The following VIRMA variants were observed in gnomAD, a reference collection of about 807,000 sequenced individuals.
VIRMA encodes protein virilizer homolog.
In VIRMA, 65 loss-of-function variants were observed where a neutral mutation model predicts 182.4. The observed-to-expected ratio is 0.36, with a 90% CI of 0.29 to 0.44. The LOEUF (loss-of-function observed/expected upper bound fraction) is 0.44. Among genes scored for constraint, VIRMA ranks in the 20% least tolerant of loss-of-function variants. VIRMA has a pLI of 1.00. For synonymous variants in VIRMA, 709 were observed against 743.1 expected, an observed-to-expected ratio of 0.95 and a Z score of 0.75; for missense variants, 1,752 against 2,158.1, an observed-to-expected ratio of 0.81 and a Z score of 3.73.
chr8:94,532,636 T>C (rs943872836), intron 5 of VIRMA, among the ~76,000 whole-genome samples: 2 of 152,200 alleles, frequency 1.3e-5, no homozygotes, highest in African/African-American at 4.8e-5. Context: ...GTACATTTCT[T>C]TGCAACCTCC....
chr8:94,521,067 T>A (rs960347189), intron 8 of VIRMA, among the ~76,000 whole-genome samples: 1 of 151,772 alleles, frequency 6.6e-6, no homozygotes, highest in African/African-American at 2.4e-5. Flanking sequence ...ATTTTTTAGT[T>A]CTGGAGTACA....
At chr8:94,533,722 T>A (rs1320649896) in intron 5 of VIRMA, 1 of 147,434 alleles carries the variant, frequency 6.8e-6, no homozygotes, top group Non-Finnish European at 1.5e-5. Flanking sequence ...ATTACAGGCA[T>A]AAGCCACCAT....
Position 94,512,035 on chromosome 8 carries a change from C to T in VIRMA, c.2806G>A (p.Val936Ile). ...GGTGGGCATGCAACATTACAGAGAA[C>T]ACGTAAGGCAGTGGTAAGGCCAACT... ...EGVGLTTALR[V>I]LCNVACPPPP... The change falls in exon 12 of 24, where the codon GTT becomes ATT. Residue 936 changes from valine to isoleucine, a missense_variant. Val to Ile is a conservative substitution (Grantham distance 29, BLOSUM62 3). Around this residue, in one of 11 missense-constraint regions of VIRMA, gnomAD observed 777 missense variants for 920.6 expected, o/e 0.84. Transcript: ENST00000297591. 6.5e-7 allele frequency: 1 copy of T among 1,532,648 alleles called. No homozygotes were observed. Among genetic ancestry groups the T allele is most frequent in the Non-Finnish European group, 8.8e-7 (1 of 1,139,886 alleles). 94.9% of individuals were successfully genotyped at this position (1,532,648 alleles called of 1,614,324 possible).
chr8:94,509,716 G>C lies in VIRMA; in HGVS notation c.3851C>G (p.Thr1284Arg). ...VIRQQCVEYV[T>R]SILQSLCDQD... ...ATCACAGAGAGACTGCAAAATGGAT[G>C]TGACATATTCAACACACTGTTGGCG... Residue 1284 changes from threonine (T) to arginine (R), a missense_variant, in exon 15 of 24, where the codon ACA becomes AGA. Physicochemically the swap from Thr to Arg is moderately conservative, Grantham distance 71. Around this residue, in one of 11 missense-constraint regions of VIRMA, gnomAD observed 777 missense variants for 920.6 expected, o/e 0.84. Coordinates refer to ENST00000297591, the MANE Select transcript of VIRMA (RefSeq NM_015496.5). 1 of 1,613,486 alleles carries C rather than the reference G, an allele frequency of 6.2e-7. No homozygotes were observed. The highest frequency in any genetic ancestry group is 8.5e-7 in the Non-Finnish European group (1 of 1,179,832).
At chr8:94,531,999 T>C (rs567524393) in intron 5 of VIRMA, among the ~76,000 whole-genome samples, 1 of 152,118 alleles carries the variant, frequency 6.6e-6, no homozygotes, top group East Asian at 1.9e-4. Flanking sequence ...GTGAACAGAT[T>C]AGTGGCTGCC....
At chr8:94,527,917 A>G (rs1333938978) in intron 7 of VIRMA, among the ~76,000 whole-genome samples, 1 of 152,140 alleles carries the variant, frequency 6.6e-6, no homozygotes, top group Non-Finnish European at 1.5e-5. Flanking sequence ...GGTCTCCATT[A>G]TATTTTGATA....
At chr8:94,519,603 T>C in intron 8 of VIRMA, 127 bp from the exon 9 acceptor site, 1 of 908,202 alleles carries the variant, frequency 1.1e-6, no homozygotes, top group Non-Finnish European at 1.6e-6. Flanking sequence ...TATACTGCTT[T>C]AACTGAAAAC....
intron 23 of VIRMA, among the ~76,000 whole-genome samples, chr8:94,489,309 T>C (rs1303481957): frequency 6.6e-6 from 1 of 152,230 alleles, no homozygotes; most frequent in African/African-American, 2.4e-5. Context: ...CACATCACCA[T>C]GAAACTGTTC....
At chr8:94,501,906 G>C (rs191391558) in intron 16 of VIRMA, among the ~76,000 whole-genome samples, 47 of 152,316 alleles carry the variant, frequency 3.1e-4, no homozygotes, top group Non-Finnish European at 3.7e-4. Context: ...ATATTCTGTG[G>C]TTGTTGGATG....
At chr8:94,499,653 A>G in intron 16 of VIRMA, 147 bp from the exon 17 acceptor site, 1 of 483,160 alleles carries the variant, frequency 2.1e-6, no homozygotes, top group Non-Finnish European at 3.5e-6. Flanking sequence ...GTCTTTGTAC[A>G]CAAATATAAC....
chr8:94,525,887 C>A (rs1814942712), intron 8 of VIRMA, among the ~76,000 whole-genome samples: 1 of 152,176 alleles, frequency 6.6e-6, no homozygotes, highest in South Asian at 2.1e-4. Context: ...CACAGAAGAG[C>A]TCTCCTTCCT....
rs1815253196 is a variant in VIRMA at position 94,533,936 on chromosome 8, A to C, written c.484+903T>G. 3.9e-5 allele frequency: 6 copies of C among 152,208 alleles called. No homozygotes were observed. In the South Asian group the frequency reaches 1.2e-3, roughly 32 times the overall value. 9.4% of individuals were successfully genotyped at this position (152,208 alleles called of 1,614,324 possible). On this transcript the variant is annotated intron_variant, in intron 5 of 23. Coordinates refer to ENST00000297591, the MANE Select transcript of VIRMA (RefSeq NM_015496.5). ...GACATAGGGTCTCGCCATGTTGGCC[A>C]GGCTGGTCTTGAATTCCTGACCCCA...
chr8:94,534,260 T>C (rs1272125757), intron 5 of VIRMA: 1 of 152,302 alleles, frequency 6.6e-6, no homozygotes, highest in Non-Finnish European at 1.5e-5. Flanking sequence ...ATATAAGTAT[T>C]CCGGGAATAT....
chr8:94,511,423 C>A lies in VIRMA; in HGVS notation c.3152G>T (p.Gly1051Val). ...TTTCTGTTCATCACTATCCAAACGA[C>A]CTGAGAGGGGGATAGAGCACAGGAG... ...HMLLCSIPLSGRLDSDEQKIQ... is the reference protein window; with the variant it reads ...HMLLCSIPLSVRLDSDEQKIQ... The change falls in exon 13 of 24, where the codon GGT (glycine) becomes GTT (valine). Residue 1051 changes from glycine to valine, a missense_variant. Gly to Val is a moderately radical substitution (Grantham distance 109, BLOSUM62 -3). This residue lies in a region of VIRMA where 777 missense variants were observed against 920.6 expected (regional missense o/e 0.84). Coordinates refer to ENST00000297591, the MANE Select transcript of VIRMA (RefSeq NM_015496.5). The A allele has an allele frequency of 6.2e-7, 1 of 1,614,050 alleles. No individual in the cohort carries two copies.
intron 22 of VIRMA, among the ~76,000 whole-genome samples, chr8:94,491,245 CAG>C (rs1342615289): frequency 6.6e-6 from 1 of 150,654 alleles, no homozygotes; most frequent in Non-Finnish European, 1.5e-5. Context: ...ACCAGGGAGG[CAG>C]AGTTTGTAGT....
chr8:94,550,450 G>A (rs779907151), intron 1 of VIRMA, among the ~76,000 whole-genome samples: 3 of 151,846 alleles, frequency 2.0e-5, no homozygotes, highest in African/African-American at 7.3e-5. Flanking sequence ...CTGCCACCAC[G>A]CTCGGCTATT....
At chr8:94,510,084 G>T (rs1814312717) in intron 14 of VIRMA, 144 bp from the exon 15 acceptor site, 1 of 741,408 alleles carries the variant, frequency 1.3e-6, no homozygotes. Flanking sequence ...AAATTCTCTG[G>T]AATTTTACAA....
In VIRMA at chr8:94,488,356, G is replaced by C. The variant is rs1813507669; in HGVS notation, c.*350C>G. On this transcript the variant is annotated 3_prime_UTR_variant, in exon 24 of 24. Transcript: ENST00000297591. ...GTATTAGATATTTCTTTTGGACCAG[G>C]TATGCTGTGAAAAAAGTACTGAGGC... 1 of 178,166 alleles carries C rather than the reference G, an allele frequency of 5.6e-6. No homozygotes were observed. Among genetic ancestry groups the C allele is most frequent in the Non-Finnish European group, 1.2e-5 (1 of 83,538 alleles). 11.0% of individuals were successfully genotyped at this position (178,166 alleles called of 1,614,324 possible).
intron 16 of VIRMA, among the ~76,000 whole-genome samples, chr8:94,502,747 A>T (rs1379610409): frequency 6.6e-6 from 1 of 152,156 alleles, no homozygotes; most frequent in Non-Finnish European, 1.5e-5. Context: ...AACACCTTGT[A>T]GTACTAGCAA....
Sources: gnomAD v4.1 joint callset for allele counts (sites outside exome capture counted in the v4.1 genomes callset) on GRCh38, gnomAD v4.1.1 for gene constraint, gnomAD v4.1.1 regional missense constraint, MANE v1.5 for transcripts, NCBI Gene and HGNC (gene_info 2026-07-23, HGNC 2026-07-21) for gene names.